The following COG4 variants were observed in gnomAD, a reference collection of about 807,000 sequenced individuals.
The protein encoded by COG4 is component of oligomeric golgi complex 4, also known as conserved oligomeric Golgi complex subunit 4.
COG4 carries 65 observed loss-of-function variants against 95.1 expected under a neutral mutation model. The observed-to-expected ratio is 0.68, with a 90% CI of 0.56 to 0.84. The LOEUF (loss-of-function observed/expected upper bound fraction) is 0.84. COG4 is among the 40% of genes least tolerant of loss of function. The probability of loss-of-function intolerance (pLI) is 0.00; values close to 1 mark genes in which losing one functional copy is unlikely to be tolerated. For missense variants in COG4, 1,045 were observed against 989.1 expected (o/e 1.06, Z -0.76); for synonymous variants, 421 against 374.8 (o/e 1.12, Z -1.42).
rs2049853669 is a variant in COG4 at position 70,517,724 on chromosome 16, T to C, written c.271A>G (p.Ile91Val). Residue 91 changes from isoleucine to valine, a missense_variant, in exon 3 of 19, where the codon ATT becomes GTT. Physicochemically the swap from Ile to Val is conservative, Grantham distance 29. Coordinates refer to ENST00000323786, the MANE Select transcript of COG4 (RefSeq NM_015386.3). ...GCCAGCTGCTTTGCATCTCCCTCAA[T>C]CAGCTGCAGATTAGGACTGGAGAAA... is the stretch of plus-strand genomic sequence containing the variant. ...LHRMGPNLQLIEGDAKQLAGM... is the reference protein window; with the variant it reads ...LHRMGPNLQLVEGDAKQLAGM... 6.2e-7 allele frequency: 1 copy of C among 1,607,764 alleles called. No individual in the cohort carries two copies. Among genetic ancestry groups the C allele is most frequent in the Non-Finnish European group, 8.5e-7 (1 of 1,175,796 alleles).
At chr16:70,483,610 A>G (rs1014495770) in intron 14 of COG4, among the ~76,000 whole-genome samples, 1 of 152,100 alleles carries the variant, frequency 6.6e-6, no homozygotes, top group Non-Finnish European at 1.5e-5. Flanking sequence ...AGCTCTTGTC[A>G]TTGTGGGGCC....
intron 7 of COG4, 42 bp from the exon 8 acceptor site, chr16:70,508,506 C>T (rs377708120): frequency 1.1e-4 from 175 of 1,556,230 alleles, no homozygotes; most frequent in Non-Finnish European, 1.5e-4. Context: ...TCCCCACCCC[C>T]ACATCTATTG....
Position 70,509,389 on chromosome 16 carries a change from C to T in COG4, c.845-1G>A. 1 of 1,614,158 alleles carries T rather than the reference C, an allele frequency of 6.2e-7. No individual in the cohort carries two copies. The highest frequency in any genetic ancestry group is 8.5e-7 in the Non-Finnish European group (1 of 1,180,006). On this transcript the variant is annotated splice_acceptor_variant, in intron 6 of 18. Coordinates refer to ENST00000323786, the MANE Select transcript of COG4 (RefSeq NM_015386.3). LOFTEE classifies it high-confidence loss of function. ...TGGGTCTCCACAATGCGGGCAATCC[C>T]TAGAAGGGAGGAAGCAATAGGGTTA...
chr16:70,495,119 G>A (rs1340555507), intron 12 of COG4, among the ~76,000 whole-genome samples: 3 of 151,868 alleles, frequency 2.0e-5, no homozygotes, highest in Non-Finnish European at 2.9e-5. Context: ...AACCAGGCAC[G>A]GTAGCTCATG....
Position 70,519,746 on chromosome 16 carries a change from A to T in COG4, c.172-15T>A. 1 of 1,588,166 alleles carries T rather than the reference A, an allele frequency of 6.3e-7. No homozygotes were observed. Among genetic ancestry groups the T allele is most frequent in the Non-Finnish European group, 8.6e-7 (1 of 1,156,688 alleles). ...TCCACCACTTTCTGAAACACAGAGAAACATCCTGTCAGCAGAATGATCAGA... is the reference window on the plus strand; with the variant it reads ...TCCACCACTTTCTGAAACACAGAGATACATCCTGTCAGCAGAATGATCAGA... On this transcript the variant is annotated splice_polypyrimidine_tract_variant and intron_variant, in intron 1 of 18. Coordinates refer to ENST00000323786, the MANE Select transcript of COG4 (RefSeq NM_015386.3).
chr16:70,510,913 G>A (rs979016422), intron 5 of COG4, among the ~76,000 whole-genome samples: 3 of 151,966 alleles, frequency 2.0e-5, no homozygotes, highest in Non-Finnish European at 2.9e-5. Flanking sequence ...ACAGGCACCC[G>A]CCAACATGCC....
intron 13 of COG4, among the ~76,000 whole-genome samples, chr16:70,484,699 A>C (rs2049091800): frequency 6.6e-6 from 1 of 152,196 alleles, no homozygotes; most frequent in African/African-American, 2.4e-5. Context: ...CCAGAGTTTA[A>C]GAACAGCAGG....
intron 4 of COG4, among the ~76,000 whole-genome samples, 179 bp downstream of exon 4, chr16:70,514,156 G>C (rs1310899935): frequency 6.6e-6 from 1 of 152,010 alleles, no homozygotes; most frequent in Non-Finnish European, 1.5e-5. Flanking sequence ...GTTGCAGTAA[G>C]CCAAGATGGC....
intron 7 of COG4, chr16:70,508,903 C>A (rs2049637603): frequency 3.8e-6 from 2 of 530,610 alleles, no homozygotes; most frequent in African/African-American, 1.9e-5. Flanking sequence ...CTTAATAGGA[C>A]CTCAAGAAAT....
At chr16:70,509,096 G>A in intron 7 of COG4, 135 bp downstream of exon 7, 3 of 1,086,412 alleles carry the variant, frequency 2.8e-6, no homozygotes, top group East Asian at 2.4e-5. Flanking sequence ...CAAGATGCAG[G>A]CCAGTGTGCG....
intron 5 of COG4, among the ~76,000 whole-genome samples, chr16:70,510,802 C>T (rs1363686878): frequency 1.3e-5 from 2 of 148,674 alleles, no homozygotes; most frequent in East Asian, 2.0e-4. Context: ...TTTCGCTGGT[C>T]GCCCAGGCTG....
chr16:70,484,951 G>A (rs1324934447), intron 13 of COG4, among the ~76,000 whole-genome samples: 3 of 152,042 alleles, frequency 2.0e-5, no homozygotes, highest in Admixed American at 6.6e-5. Flanking sequence ...CACAACTATT[G>A]TAAGTTACTT....
At chr16:70,483,789 T>C (rs1240938258) in intron 14 of COG4, 64 bp downstream of exon 14, 5 of 1,282,730 alleles carry the variant, frequency 3.9e-6, no homozygotes, top group Non-Finnish European at 5.7e-6. Flanking sequence ...ATGAGCCAGC[T>C]AACAATCTTC....
At chr16:70,484,980 G>C (rs2049097270) in intron 13 of COG4, among the ~76,000 whole-genome samples, 1 of 152,098 alleles carries the variant, frequency 6.6e-6, no homozygotes, top group African/African-American at 2.4e-5. Context: ...ATAAAAAAAA[G>C]TATCTCCTTT....
chr16:70,488,094 G>C (rs2049173507), intron 13 of COG4, among the ~76,000 whole-genome samples: 1 of 151,724 alleles, frequency 6.6e-6, no homozygotes, highest in African/African-American at 2.4e-5. Context: ...CAAAGTGCTG[G>C]GGTTATAGGT....
chr16:70,483,560 A>G (rs2049059041), intron 14 of COG4, among the ~76,000 whole-genome samples: 1 of 152,118 alleles, frequency 6.6e-6, no homozygotes, highest in African/African-American at 2.4e-5. Context: ...GCTAGGTCAG[A>G]ACAACCATGT....
In COG4 at chr16:70,520,421, T is replaced by C. The variant is rs1242162350; in HGVS notation, c.172-690A>G. Among the ~76,000 whole-genome samples, 12 of 115,582 alleles carry C rather than the reference T, an allele frequency of 1.0e-4. No homozygotes were observed. The Admixed American group carries it at 1.2e-3, about 11-fold the overall frequency. 75.8% of individuals were successfully genotyped at this position (115,582 alleles called of 152,430 possible). The stretch of plus-strand genomic sequence containing the variant: ...TTGCAGTGAGCCGAGATCATGCCAC[T>C]GCACTCCAGCTTGGGCAACAAAGTG... On this transcript the variant is annotated intron_variant, in intron 1 of 18. Transcript: ENST00000323786.
intron 7 of COG4, chr16:70,508,960 T>G (rs1486951168): frequency 1.8e-6 from 1 of 553,938 alleles, no homozygotes; most frequent in Non-Finnish European, 3.3e-6. Flanking sequence ...CATTTTGTGA[T>G]AGAGAACTGG....
Position 70,492,622 on chromosome 16 carries a change from T to C in COG4, c.1648-2230A>G, listed in dbSNP as rs146638488. 5.2e-3 allele frequency among the ~76,000 whole-genome samples: 777 copies of C among 149,330 alleles called. 5 individuals carry two copies. Among genetic ancestry groups the C allele is most frequent in the African/African-American group, 0.019 (748 of 40,322 alleles). ...GTTGCAGTGAGCCAAGATCGCGCCA[T>C]TGCACTCCAGCCTGTGCAACAACAG... On this transcript the variant is annotated intron_variant, in intron 12 of 18. Transcript: ENST00000323786.
Sources: allele counts gnomAD v4.1 joint callset (sites outside exome capture counted in the v4.1 genomes callset), GRCh38; gene constraint gnomAD v4.1.1; transcripts MANE v1.5; gene names NCBI Gene and HGNC (gene_info 2026-07-23, HGNC 2026-07-21).